PRR16: variants seen among roughly 807,000 people sequenced by gnomAD.
PRR16 encodes protein Largen.
Under a neutral mutation model 18.2 loss-of-function variants are expected in PRR16, and 6 were observed. The observed-to-expected ratio is 0.33, with a 90% CI of 0.18 to 0.65. The LOEUF (loss-of-function observed/expected upper bound fraction) is 0.65, where lower values mean the gene tolerates loss of function less well. PRR16 is among the 30% of genes least tolerant of loss of function. The pLI, the probability that PRR16 is intolerant of heterozygous loss-of-function variation, is 0.74. For missense variants in PRR16, 412 were observed against 376.6 expected (o/e 1.09, Z -0.78); for synonymous variants, 151 against 147.8 (o/e 1.02, Z -0.16).
chr5:120,469,936 T>C (rs939815754), intron 1 of PRR16, among the ~76,000 whole-genome samples: 2 of 152,132 alleles, frequency 1.3e-5, no homozygotes, highest in African/African-American at 4.8e-5. Context: ...CTTAAAGTAA[T>C]AGATAGTGTG....
chr5:120,685,812 A>C, intron 1 of PRR16, 142 bp from the exon 2 acceptor site: 1 of 804,812 alleles, frequency 1.2e-6, no homozygotes, highest in Non-Finnish European at 1.9e-6. Flanking sequence ...TTATTGACTG[A>C]AAACATCAAG....
intron 1 of PRR16, among the ~76,000 whole-genome samples, chr5:120,673,570 G>A (rs1756689087): frequency 6.6e-6 from 1 of 152,122 alleles, no homozygotes; most frequent in African/African-American, 2.4e-5. Flanking sequence ...CTTATCTAGA[G>A]TGGAATTTTA....
In PRR16 at chr5:120,617,887, T is replaced by C. The variant is rs147321799; in HGVS notation, c.160-68067T>C. On this transcript the variant is annotated intron_variant, in intron 1 of 1. Coordinates refer to ENST00000407149, the MANE Select transcript of PRR16 (RefSeq NM_001300783.2). ...CCTAACAAAGTGAAAACATGCATAG[T>C]CAAGGTCAATAATTTTTTTTATTGC... is the stretch of plus-strand genomic sequence containing the variant. 7.8e-4 allele frequency among the ~76,000 whole-genome samples: 118 copies of C among 152,250 alleles called. No homozygotes were observed. The East Asian group carries it at 0.021, about 27-fold the overall frequency.
At chr5:120,689,046 T>C (rs923492812), downstream of PRR16, among the ~76,000 whole-genome samples, 3 of 152,184 alleles carry the variant, frequency 2.0e-5, no homozygotes, top group African/African-American at 7.2e-5. Context: ...GGCTTAGAAA[T>C]GTGAGTTAAA....
At chr5:120,485,049 C>G (rs116243964) in intron 1 of PRR16, among the ~76,000 whole-genome samples, 1,676 of 151,892 alleles carry the variant, frequency 0.011, 14 homozygotes, top group East Asian at 0.033. Context: ...AATCTTTACT[C>G]TGATTTAAAT....
intron 1 of PRR16, among the ~76,000 whole-genome samples, chr5:120,632,097 C>T (rs1755076917): frequency 6.6e-6 from 1 of 152,178 alleles, no homozygotes; most frequent in Non-Finnish European, 1.5e-5. Context: ...GCCTGGAGCC[C>T]AGTAGCTCTG....
chr5:120,511,801 A>AGTGTC (rs149616965), intron 1 of PRR16, among the ~76,000 whole-genome samples: 2,818 of 152,306 alleles, frequency 0.019, 89 homozygotes, highest in African/African-American at 0.063. Flanking sequence ...GACACAGTTT[A>AGTGTC]GTGTCGAATA....
At chr5:120,782,215 C>A in the PRR16 span, among the ~76,000 whole-genome samples, 1 of 152,128 alleles carries the variant, frequency 6.6e-6, no homozygotes, top group Non-Finnish European at 1.5e-5. Flanking sequence ...TTGCAACAGA[C>A]TTGCAGGATT....
chr5:120,572,150 T>C lies in PRR16; in HGVS notation c.159+107505T>C, dbSNP rs1004196802. 4.6e-5 allele frequency among the ~76,000 whole-genome samples: 7 copies of C among 152,246 alleles called. No individual in the cohort carries two copies. The East Asian group carries it at 9.6e-4, about 21-fold the overall frequency. On this transcript the variant is annotated intron_variant, in intron 1 of 1. Coordinates refer to ENST00000407149, the MANE Select transcript of PRR16 (RefSeq NM_001300783.2). ...GTATTGGTCAAAGGAGTCTCTCATA[T>C]TGTATTGGTCAAAGGAGTCTCTCAT...
At chr5:120,491,349 T>G (rs906941085) in intron 1 of PRR16, among the ~76,000 whole-genome samples, 3 of 152,218 alleles carry the variant, frequency 2.0e-5, no homozygotes, top group African/African-American at 7.2e-5. Context: ...CTATTTATAA[T>G]ATTTCTTAAT....
intron 1 of PRR16, among the ~76,000 whole-genome samples, chr5:120,577,605 A>G (rs1404011062): frequency 1.3e-5 from 2 of 152,136 alleles, no homozygotes; most frequent in Non-Finnish European, 2.9e-5. Context: ...ATGCCACAGG[A>G]AAGAACACAA....
intron 1 of PRR16, among the ~76,000 whole-genome samples, chr5:120,516,550 T>C (rs1186666286): frequency 6.6e-6 from 1 of 151,374 alleles, no homozygotes; most frequent in Non-Finnish European, 1.5e-5. Context: ...ATTTATACTA[T>C]GCTTTAAAGT....
chr5:120,709,011 T>C, the PRR16 span, among the ~76,000 whole-genome samples: 1 of 17,784 alleles, frequency 5.6e-5, no homozygotes, highest in Non-Finnish European at 1.3e-4. Context: ...TTTTTTTTTT[T>C]TTTTTTTTTT....
intron 1 of PRR16, among the ~76,000 whole-genome samples, chr5:120,637,796 C>G (rs1033405585): frequency 2.0e-5 from 3 of 152,062 alleles, no homozygotes; most frequent in Non-Finnish European, 4.4e-5. Flanking sequence ...ATTCATGCCA[C>G]CACACTCCAG....
chr5:120,733,682 CAA>C, the PRR16 span, among the ~76,000 whole-genome samples: 2 of 152,298 alleles, frequency 1.3e-5, no homozygotes, highest in African/African-American at 4.8e-5. Flanking sequence ...CTAGAGTTTT[CAA>C]ACTGTAATTA....
the PRR16 span, among the ~76,000 whole-genome samples, chr5:120,706,572 CCATT>C: frequency 8.5e-5 from 13 of 152,230 alleles, no homozygotes; most frequent in African/African-American, 2.6e-4. Context: ...TCAGGGATCT[CCATT>C]CAGAGAAGAA....
At chr5:120,683,921 C>CA (rs55985484) in intron 1 of PRR16, among the ~76,000 whole-genome samples, 10,404 of 121,548 alleles carry the variant, frequency 0.086, 417 homozygotes, top group Non-Finnish European at 0.11. Context: ...ACTTCTGCTT[C>CA]AAAAAAAAAA....
chr5:120,712,399 T>A, the PRR16 span, among the ~76,000 whole-genome samples: 3 of 152,168 alleles, frequency 2.0e-5, no homozygotes, highest in Non-Finnish European at 4.4e-5. Flanking sequence ...TCTTTCCCAC[T>A]GTTGTACTGT....
chr5:120,496,019 C>G (rs900229725), intron 1 of PRR16, among the ~76,000 whole-genome samples: 1 of 151,518 alleles, frequency 6.6e-6, no homozygotes, highest in African/African-American at 2.4e-5. Context: ...AAATTTTTAT[C>G]CTGAATGGAT....
Sources: allele counts gnomAD v4.1 joint callset (sites outside exome capture counted in the v4.1 genomes callset), GRCh38; gene constraint gnomAD v4.1.1; transcripts MANE v1.5; gene names NCBI Gene and HGNC (gene_info 2026-07-23, HGNC 2026-07-21).